Variants in RIMS1 observed in about 807,000 individuals in gnomAD.
The protein encoded by RIMS1 is regulating synaptic membrane exocytosis 1.
Under a neutral mutation model 214.1 loss-of-function variants are expected in RIMS1, and 83 were observed. The observed-to-expected ratio is 0.39, with a 90% CI of 0.32 to 0.47. RIMS1 has a LOEUF of 0.47. Ranked by LOEUF, RIMS1 falls within the 20% of genes least tolerant of loss-of-function variation. RIMS1 has a pLI of 0.99. For synonymous variants in RIMS1, 793 were observed against 786.8 expected, an observed-to-expected ratio of 1.01 and a Z score of -0.13; for missense variants, 2,050 against 2,161.8, an observed-to-expected ratio of 0.95 and a Z score of 1.03.
chr6:72,367,059 T>C (rs1436083089), intron 29 of RIMS1, among the ~76,000 whole-genome samples: 4 of 152,176 alleles, frequency 2.6e-5, no homozygotes, highest in African/African-American at 4.8e-5. Flanking sequence ...AACATAAAAA[T>C]TATGCAGTGG....
At chr6:71,983,441 A>G (rs1190516468) in intron 2 of RIMS1, among the ~76,000 whole-genome samples, 1 of 150,716 alleles carries the variant, frequency 6.6e-6, no homozygotes, top group Non-Finnish European at 1.5e-5. Context: ...ATCAGAAAAA[A>G]AGGGTTTTTT....
At position 72,211,203 on chromosome 6, in the gene RIMS1, C is replaced by T. The variant is rs116879892; in HGVS notation, c.1679-22570C>T. On this transcript the variant is annotated intron_variant, in intron 6 of 33. Transcript: ENST00000521978. ...GACAATATATTTGCCCTCTTCTGTC[C>T]AGAGTTTGTCCTGCTATTGTTTCTT... Among the ~76,000 whole-genome samples the T allele has an allele frequency of 1.6e-3, 239 of 152,220 alleles. 2 individuals carry two copies. The East Asian group carries it at 0.036, about 23-fold the overall frequency.
intron 24 of RIMS1, among the ~76,000 whole-genome samples, chr6:72,287,932 G>GTA (rs1316373239): frequency 6.6e-6 from 1 of 152,106 alleles, no homozygotes; most frequent in African/African-American, 2.4e-5. Flanking sequence ...AATAGAGTAG[G>GTA]TATTTGTTAA....
intron 1 of RIMS1, among the ~76,000 whole-genome samples, chr6:71,902,989 C>T (rs1195377207): frequency 6.6e-6 from 1 of 152,090 alleles, no homozygotes; most frequent in African/African-American, 2.4e-5. Context: ...AGTGAACATA[C>T]ATGTGCATGT....
At position 72,182,658 on chromosome 6, in the gene RIMS1, C is replaced by T. The variant is rs2153970380; in HGVS notation, c.1187C>T (p.Pro396Leu). Residue 396 changes from proline to leucine, a missense_variant, in exon 6 of 34, where the codon CCG becomes CTG. Transcript: ENST00000521978. Reference sequence around the variant, plus strand: ...CGGCGCCACAGCGACGTGGCGCTCCCGCGCACCGAGGCGGGCGCGGCGCTG... The same window carrying T: ...CGGCGCCACAGCGACGTGGCGCTCCTGCGCACCGAGGCGGGCGCGGCGCTG... ...HERRHSDVAL[P>L]RTEAGAALPE... The T allele has an allele frequency of 2.0e-6, 3 of 1,481,000 alleles. No individual in the cohort carries two copies. The allele number at this position is 1,481,000 out of a possible 1,614,324, so 91.7% of individuals were successfully genotyped here.
intron 2 of RIMS1, among the ~76,000 whole-genome samples, chr6:72,053,810 G>T (rs1340791918): frequency 6.6e-6 from 1 of 152,028 alleles, no homozygotes; most frequent in African/African-American, 2.4e-5. Context: ...ACATGAATAA[G>T]TTTACAATAC....
chr6:72,120,586 C>T (rs1268350990), intron 4 of RIMS1, among the ~76,000 whole-genome samples: 2 of 151,974 alleles, frequency 1.3e-5, no homozygotes, highest in Non-Finnish European at 2.9e-5. Context: ...CAAAAATTTT[C>T]TCCCATTTTG....
chr6:71,981,883 A>G (rs1798584657), intron 2 of RIMS1, among the ~76,000 whole-genome samples: 1 of 151,752 alleles, frequency 6.6e-6, no homozygotes, highest in African/African-American at 2.4e-5. Context: ...CAGGGAAGTC[A>G]TTGGTGTACT....
At chr6:71,996,352 A>G (rs1344319079) in intron 2 of RIMS1, among the ~76,000 whole-genome samples, 2 of 152,234 alleles carry the variant, frequency 1.3e-5, no homozygotes, top group Non-Finnish European at 2.9e-5. Flanking sequence ...TCAAAACCTT[A>G]TTAAAACCTT....
At chr6:72,245,764 A>T in intron 10 of RIMS1, 51 bp from the exon 11 acceptor site, 2 of 1,420,140 alleles carry the variant, frequency 1.4e-6, no homozygotes, top group African/African-American at 2.8e-5. Flanking sequence ...TGATTGCCTC[A>T]GGCAGGGTCA....
chr6:71,911,614 T>C (rs1776958050), intron 1 of RIMS1, among the ~76,000 whole-genome samples: 3 of 152,164 alleles, frequency 2.0e-5, no homozygotes, highest in Admixed American at 2.0e-4. Flanking sequence ...CTTTTCTCCA[T>C]GGATCAACTC....
chr6:71,954,051 T>G (rs1354370167), intron 1 of RIMS1, among the ~76,000 whole-genome samples: 1 of 152,216 alleles, frequency 6.6e-6, no homozygotes, highest in East Asian at 1.9e-4. Flanking sequence ...TTCATGACTT[T>G]TTTTTGCCTT....
At chr6:72,392,402 GT>G (rs1208897408) in intron 30 of RIMS1, among the ~76,000 whole-genome samples, 2 of 152,090 alleles carry the variant, frequency 1.3e-5, no homozygotes, top group East Asian at 3.8e-4. Flanking sequence ...CGCATCTTAT[GT>G]TTTTTTGTCA....
At chr6:72,243,010 C>T (rs757236452) in intron 10 of RIMS1, among the ~76,000 whole-genome samples, 4 of 151,610 alleles carry the variant, frequency 2.6e-5, no homozygotes, top group Non-Finnish European at 5.9e-5. Flanking sequence ...TATCTATAGC[C>T]AGTGGGATAT....
At chr6:71,986,635 A>G (rs1057217493) in intron 2 of RIMS1, among the ~76,000 whole-genome samples, 2 of 152,262 alleles carry the variant, frequency 1.3e-5, no homozygotes, top group Non-Finnish European at 2.9e-5. Flanking sequence ...TGGCACCATT[A>G]ACTGAGAGAG....
chr6:72,105,781 G>T (rs2153814102), intron 4 of RIMS1, among the ~76,000 whole-genome samples: 1 of 152,188 alleles, frequency 6.6e-6, no homozygotes, highest in East Asian at 1.9e-4. Flanking sequence ...TCCCCTTAGT[G>T]TACAGGATGA....
chr6:72,180,003 A>G (rs747253934), intron 5 of RIMS1, 88 bp downstream of exon 5: 19 of 922,982 alleles, frequency 2.1e-5, no homozygotes, highest in Non-Finnish European at 2.6e-5. Context: ...TATTACGAGG[A>G]ATATGTGGAA....
intron 2 of RIMS1, among the ~76,000 whole-genome samples, chr6:72,063,770 A>G (rs575998265): frequency 1.8e-4 from 27 of 152,312 alleles, no homozygotes; most frequent in African/African-American, 6.3e-4. Flanking sequence ...TTTAGTTTGT[A>G]TTCGTTTTAT....
At chr6:72,070,777 G>T (rs1830406912) in intron 2 of RIMS1, among the ~76,000 whole-genome samples, 1 of 152,112 alleles carries the variant, frequency 6.6e-6, no homozygotes, top group Admixed American at 6.5e-5. Flanking sequence ...AACCTGGAGG[G>T]AGGTTTTTGT....
Sources: allele counts gnomAD v4.1 joint callset (sites outside exome capture counted in the v4.1 genomes callset), GRCh38; gene constraint gnomAD v4.1.1; transcripts MANE v1.5; gene names NCBI Gene and HGNC (gene_info 2026-07-23, HGNC 2026-07-21).